The following BTG4 variants were observed in gnomAD, a reference collection of about 807,000 sequenced individuals.
The protein encoded by BTG4 is protein BTG4.
A neutral mutation model predicts 19.3 loss-of-function variants in BTG4; 10 were observed. That is an observed-to-expected ratio of 0.52 (90% CI 0.32 to 0.88). The LOEUF is 0.88. Among genes scored for constraint, BTG4 ranks in the 40% least tolerant of loss-of-function variants. The probability of loss-of-function intolerance (pLI) is 0.04; values close to 1 mark genes in which losing one functional copy is unlikely to be tolerated. For synonymous variants in BTG4, 91 were observed against 95.7 expected, an observed-to-expected ratio of 0.95 and a Z score of 0.29; for missense variants, 238 against 281.9, an observed-to-expected ratio of 0.84 and a Z score of 1.11.
the BTG4 span, among the ~76,000 whole-genome samples, chr11:111,447,018 G>A: frequency 2.6e-5 from 4 of 152,300 alleles, no homozygotes; most frequent in East Asian, 5.8e-4. Context: ...TAATTACTGC[G>A]TGGCTGTCCC....
At chr11:111,507,735 C>T (rs576669440) in intron 1 of BTG4, 4 of 152,158 alleles carry the variant, frequency 2.6e-5, no homozygotes, top group Non-Finnish European at 5.9e-5. Context: ...TCCTGTCAGC[C>T]CCTAAAGAGG....
the BTG4 span, among the ~76,000 whole-genome samples, chr11:111,420,359 T>G: frequency 1.3e-5 from 2 of 152,234 alleles, no homozygotes; most frequent in Admixed American, 6.5e-5. Flanking sequence ...GAGGAGATCA[T>G]AGCCAACAAT....
Position 111,509,911 on chromosome 11 carries a change from CTTTTTTTT to C in BTG4, c.-27+2262_-27+2269del, listed in dbSNP as rs1450409427. ...TCTTTTTTTTTCTTTTTTCTTTTTTCTTTTTTTTTTTTTTTTTTGAGATGGAGTCTTGC... is the reference window on the plus strand; with the variant it reads ...TCTTTTTTTTTCTTTTTTCTTTTTTCTTTTTTTTTTGAGATGGAGTCTTGC... On this transcript the variant is annotated intron_variant, in intron 1 of 4. Transcript: ENST00000692032. Among the ~76,000 whole-genome samples, 4 of 114,726 alleles carry C rather than the reference CTTTTTTTT, an allele frequency of 3.5e-5. No homozygotes were observed. The Admixed American group carries it at 3.8e-4, about 11-fold the overall frequency. The allele number at this position is 114,726 out of a possible 152,430, so 75.3% of individuals were successfully genotyped here. A position where few individuals can be genotyped will look rare whatever the true frequency, so the allele number is the denominator to read the frequency against.
At chr11:111,405,057 G>A in the BTG4 span, among the ~76,000 whole-genome samples, 2 of 152,160 alleles carry the variant, frequency 1.3e-5, no homozygotes, top group Non-Finnish European at 2.9e-5. Flanking sequence ...TCTGATTTCT[G>A]GAGTCACCTC....
At chr11:111,476,533 T>A (rs1389217704) in intron 5 of BTG4, among the ~76,000 whole-genome samples, 7 of 152,172 alleles carry the variant, frequency 4.6e-5, no homozygotes, top group African/African-American at 7.2e-5. Context: ...TCACTACATC[T>A]AACTCCTCTA....
the BTG4 span, among the ~76,000 whole-genome samples, chr11:111,394,139 G>A: frequency 6.6e-6 from 1 of 152,224 alleles, no homozygotes; most frequent in Non-Finnish European, 1.5e-5. Context: ...GAACAAGAGA[G>A]AGCACACTAG....
chr11:111,492,134 A>C (rs1865458274), downstream of BTG4, among the ~76,000 whole-genome samples: 1 of 152,212 alleles, frequency 6.6e-6, no homozygotes, highest in Non-Finnish European at 1.5e-5. Context: ...ATTATGAGGC[A>C]ATCTCTGAAC....
At chr11:111,451,261 A>C in the BTG4 span, 1 of 363,106 alleles carries the variant, frequency 2.8e-6, no homozygotes, top group African/African-American at 2.1e-5. Context: ...CACTTCTATA[A>C]CACACTGGAG....
At chr11:111,481,241 C>A (rs1256789548) in intron 5 of BTG4, among the ~76,000 whole-genome samples, 1 of 151,814 alleles carries the variant, frequency 6.6e-6, no homozygotes, top group African/African-American at 2.4e-5. Flanking sequence ...CCCAATATGA[C>A]ACATATTATT....
intron 4 of BTG4, chr11:111,496,930 A>G: frequency 2.7e-6 from 1 of 374,910 alleles, no homozygotes; most frequent in East Asian, 3.7e-5. Context: ...TTGATTCTGT[A>G]GGAATTTAAG....
chr11:111,456,366 C>A, the BTG4 span: 2 of 383,858 alleles, frequency 5.2e-6, no homozygotes, highest in Admixed American at 5.5e-5. The surrounding 1 kb of genome is among the most constrained non-coding windows in gnomAD (Gnocchi z 4.2). Context: ...AGATGAGACC[C>A]CTGCCCCCTC....
intron 1 of BTG4, among the ~76,000 whole-genome samples, chr11:111,503,898 T>C (rs1014166756): frequency 4.6e-5 from 7 of 152,294 alleles, no homozygotes; most frequent in Middle Eastern, 3.4e-3. Context: ...TCTACATTTG[T>C]CTTCTTGGTT....
chr11:111,456,323 A>G, the BTG4 span, among the ~76,000 whole-genome samples: 3 of 151,994 alleles, frequency 2.0e-5, no homozygotes, highest in African/African-American at 7.3e-5. The surrounding 1 kb of genome is among the most constrained non-coding windows in gnomAD (Gnocchi z 4.2). Flanking sequence ...TGATATCACA[A>G]TGGCACGTGG....
At chr11:111,465,019 G>C (rs1231434762), downstream of BTG4, among the ~76,000 whole-genome samples, 1 of 151,994 alleles carries the variant, frequency 6.6e-6, no homozygotes, top group Non-Finnish European at 1.5e-5. Context: ...GCAGGAAAGG[G>C]AAAAAATGAA....
At chr11:111,387,098 C>A in the BTG4 span, among the ~76,000 whole-genome samples, 2 of 152,180 alleles carry the variant, frequency 1.3e-5, no homozygotes, top group Admixed American at 6.5e-5. Flanking sequence ...TTTCTACATA[C>A]GCTAATTTTA....
downstream of BTG4, among the ~76,000 whole-genome samples, chr11:111,465,497 C>T (rs967848066): frequency 6.6e-6 from 1 of 152,170 alleles, no homozygotes; most frequent in Admixed American, 6.5e-5. Flanking sequence ...CTTTTTACAA[C>T]AACCCAGTAA....
chr11:111,431,100 C>A, the BTG4 span, among the ~76,000 whole-genome samples: 1 of 152,154 alleles, frequency 6.6e-6, no homozygotes, highest in Non-Finnish European at 1.5e-5. Context: ...AATTAAAGGA[C>A]TTATCTGAAG....
At chr11:111,466,543 C>T (rs1863731150), downstream of BTG4, among the ~76,000 whole-genome samples, 1 of 151,994 alleles carries the variant, frequency 6.6e-6, no homozygotes, top group Admixed American at 6.6e-5. Flanking sequence ...TCATTTTTTC[C>T]ATAAAGGTGG....
chr11:111,506,681 C>T (rs1198409397), intron 1 of BTG4, among the ~76,000 whole-genome samples: 1 of 152,074 alleles, frequency 6.6e-6, no homozygotes, highest in Non-Finnish European at 1.5e-5. Flanking sequence ...ATGTGCAACA[C>T]TCTATACTAA....
Sources: allele counts gnomAD v4.1 joint callset (sites outside exome capture counted in the v4.1 genomes callset), GRCh38; gene constraint gnomAD v4.1.1; non-coding constraint Gnocchi (gnomAD v3.1); transcripts MANE v1.5; gene names NCBI Gene and HGNC (gene_info 2026-07-23, HGNC 2026-07-21).